LAMA2: variants seen among roughly 807,000 people sequenced by gnomAD.
The protein encoded by LAMA2 is laminin subunit alpha-2.
In LAMA2, 269 loss-of-function variants were observed where a neutral mutation model predicts 364.8. The ratio of observed to expected loss-of-function variants is 0.74; its 90% CI spans 0.67 to 0.82. The LOEUF (loss-of-function observed/expected upper bound fraction) is 0.82, where lower values mean the gene tolerates loss of function less well. Among genes scored for constraint, LAMA2 ranks in the 40% least tolerant of loss-of-function variants. LAMA2 has a pLI of 0.00. For synonymous variants in LAMA2, 1,379 were observed against 1,370.6 expected (o/e 1.01, Z -0.14); for missense variants, 3,807 against 3,873.2 (o/e 0.98, Z 0.45).
At chr6:129,225,730 T>G (rs1312687995) in intron 12 of LAMA2, among the ~76,000 whole-genome samples, 1 of 152,218 alleles carries the variant, frequency 6.6e-6, no homozygotes, top group Non-Finnish European at 1.5e-5. Flanking sequence ...CTTTTACATT[T>G]GCTGAGGAGT....
At chr6:129,411,670 G>A (rs935099150) in intron 40 of LAMA2, among the ~76,000 whole-genome samples, 1 of 150,392 alleles carries the variant, frequency 6.6e-6, no homozygotes, top group Non-Finnish European at 1.5e-5. Context: ...ACAGATCAGT[G>A]AGGAGGAAAC....
chr6:129,096,833 A>C (rs1452490886), intron 3 of LAMA2, among the ~76,000 whole-genome samples: 1 of 152,220 alleles, frequency 6.6e-6, no homozygotes, highest in Admixed American at 6.5e-5. Context: ...GCTCTCAAGC[A>C]TGCATGCATT....
chr6:129,423,947 G>T (rs915846398), intron 40 of LAMA2, among the ~76,000 whole-genome samples: 1 of 152,030 alleles, frequency 6.6e-6, no homozygotes, highest in Non-Finnish European at 1.5e-5. Flanking sequence ...GGAGAAAAAT[G>T]TTGGAAAGGT....
chr6:129,260,934 G>A (rs737515), intron 15 of LAMA2, 112 bp downstream of exon 15: 6 of 730,714 alleles, frequency 8.2e-6, no homozygotes, highest in African/African-American at 5.2e-5. Flanking sequence ...CACAAATAAT[G>A]TGTATCACTT....
intron 1 of LAMA2, among the ~76,000 whole-genome samples, chr6:128,933,739 T>C (rs890675375): frequency 1.3e-5 from 2 of 152,198 alleles, no homozygotes; most frequent in Non-Finnish European, 2.9e-5. Context: ...AACATGTCTA[T>C]TTTTTAGATA....
chr6:129,391,490 G>T lies in LAMA2; in HGVS notation c.5072-1G>T. The T allele has an allele frequency of 6.2e-7, 1 of 1,613,286 alleles. No individual in the cohort carries two copies. The highest frequency in any genetic ancestry group is 8.5e-7 in the Non-Finnish European group (1 of 1,179,494). ...TACAAAATTTGTTTTACCCCCTGCAGCTGTAAATGAAAAAGCTATAAAACT... is the reference window on the plus strand; with the variant it reads ...TACAAAATTTGTTTTACCCCCTGCATCTGTAAATGAAAAAGCTATAAAACT... On this transcript the variant is annotated splice_acceptor_variant, in intron 35 of 64. Coordinates refer to ENST00000421865, the MANE Select transcript of LAMA2 (RefSeq NM_000426.4). LOFTEE classifies it high-confidence loss of function.
chr6:129,100,559 T>C (rs960800426), intron 4 of LAMA2, among the ~76,000 whole-genome samples: 2 of 152,210 alleles, frequency 1.3e-5, no homozygotes, highest in Admixed American at 6.5e-5. Flanking sequence ...TCAATGATAA[T>C]ATAACTGAAA....
chr6:129,017,835 T>C (rs1472097266), intron 1 of LAMA2, among the ~76,000 whole-genome samples: 1 of 152,108 alleles, frequency 6.6e-6, no homozygotes, highest in East Asian at 1.9e-4. Flanking sequence ...GGTCTTTTGA[T>C]ACCTGTCATC....
chr6:129,473,269 G>A lies in LAMA2; in HGVS notation c.7356G>A (p.Ser2452=), dbSNP rs758085712. Residue 2452 remains serine (S), a synonymous_variant, in exon 52 of 65, where the codon TCG becomes TCA. Coordinates refer to ENST00000421865, the MANE Select transcript of LAMA2 (RefSeq NM_000426.4). ...DTNQEENIAT[S]SSGNNFGLDL... ...ATCAGGAGGAGAATATAGCAACTTC[G>A]TCTTCTGGAAACAACTTTGGTCTTG... 1.3e-5 allele frequency: 21 copies of A among 1,609,880 alleles called. No homozygotes were observed. Among genetic ancestry groups the A allele is most frequent in the East Asian group, 4.5e-5 (2 of 44,732 alleles).
intron 60 of LAMA2, among the ~76,000 whole-genome samples, chr6:129,504,711 T>C (rs1785918399): frequency 6.6e-6 from 1 of 152,210 alleles, no homozygotes; most frequent in Admixed American, 6.5e-5. Context: ...GTAGTGCAGC[T>C]TATTTGTGCC....
chr6:129,364,766 G>T (rs1308438389), intron 32 of LAMA2, among the ~76,000 whole-genome samples: 1 of 152,118 alleles, frequency 6.6e-6, no homozygotes, highest in Non-Finnish European at 1.5e-5. Flanking sequence ...TTGCTATAAA[G>T]AAATGCCTGA....
chr6:129,303,532 A>C (rs1409484172), intron 22 of LAMA2, among the ~76,000 whole-genome samples: 1 of 152,202 alleles, frequency 6.6e-6, no homozygotes, highest in Non-Finnish European at 1.5e-5. Context: ...ATTGAAAATG[A>C]TGTTGGCTAT....
intron 11 of LAMA2, among the ~76,000 whole-genome samples, chr6:129,192,026 C>A (rs1781547603): frequency 2.6e-5 from 4 of 152,166 alleles, no homozygotes; most frequent in Admixed American, 2.6e-4. Flanking sequence ...GGGATCTAGG[C>A]TGTAGGTCCC....
chr6:128,921,697 G>GTTTTTTTTTTTTTTTTTTTTTTTTTT (rs547882651), intron 1 of LAMA2, among the ~76,000 whole-genome samples: 4 of 118,042 alleles, frequency 3.4e-5, no homozygotes, highest in African/African-American at 1.5e-4. Context: ...ATGAATGTCT[G>GTTTTTTTTTTTTTTTTTTTTTTTTTT]TTTTTTTTTT....
rs150357361 is a variant in LAMA2 at position 128,993,351 on chromosome 6, A to G, written c.113-56567A>G. On this transcript the variant is annotated intron_variant, in intron 1 of 64. Coordinates refer to ENST00000421865, the MANE Select transcript of LAMA2 (RefSeq NM_000426.4). Reference sequence around the variant, plus strand: ...CAAATTTCAGCAGCGTTGTCTTGACAGTGGATCATGGTGCTTCTGTGTTGC... The same window carrying G: ...CAAATTTCAGCAGCGTTGTCTTGACGGTGGATCATGGTGCTTCTGTGTTGC... Among the ~76,000 whole-genome samples the G allele has an allele frequency of 5.9e-3, 903 of 152,320 alleles. 11 individuals carry two copies. The highest frequency in any genetic ancestry group is 8.7e-3 in the Non-Finnish European group (589 of 68,016).
At chr6:128,899,475 T>C (rs1776953504) in intron 1 of LAMA2, among the ~76,000 whole-genome samples, 1 of 152,244 alleles carries the variant, frequency 6.6e-6, no homozygotes, top group African/African-American at 2.4e-5. Context: ...ACTTTTTGTC[T>C]TTCATTGTTT....
At chr6:128,888,873 G>A (rs1205218063) in intron 1 of LAMA2, among the ~76,000 whole-genome samples, 1 of 152,146 alleles carries the variant, frequency 6.6e-6, no homozygotes, top group African/African-American at 2.4e-5. Flanking sequence ...TAATCCATGG[G>A]ACTAGACCAA....
At chr6:128,909,729 T>C (rs368899687) in intron 1 of LAMA2, among the ~76,000 whole-genome samples, 4 of 152,016 alleles carry the variant, frequency 2.6e-5, no homozygotes, top group African/African-American at 9.7e-5. Flanking sequence ...TTCTTCCTAG[T>C]CTCGATGGTC....
chr6:129,263,557 G>A (rs930127275), intron 15 of LAMA2, among the ~76,000 whole-genome samples: 1 of 152,112 alleles, frequency 6.6e-6, no homozygotes, highest in Non-Finnish European at 1.5e-5. Context: ...AAGAAGGAGC[G>A]TGGCTGGAGC....
Sources: allele counts gnomAD v4.1 joint callset (sites outside exome capture counted in the v4.1 genomes callset), GRCh38; gene constraint gnomAD v4.1.1; transcripts MANE v1.5; gene names NCBI Gene and HGNC (gene_info 2026-07-23, HGNC 2026-07-21).